BRCA1: variants seen among roughly 807,000 people sequenced by gnomAD.
BRCA1 encodes BRCA1 DNA repair associated.
Under a neutral mutation model 173.7 loss-of-function variants are expected in BRCA1, and 140 were observed. That is an observed-to-expected ratio of 0.81 (90% CI 0.70 to 0.93). The LOEUF is 0.93. BRCA1 is among the 40% of genes least tolerant of loss of function. The probability of loss-of-function intolerance (pLI) is 0.00; values close to 1 mark genes in which losing one functional copy is unlikely to be tolerated. For missense variants in BRCA1, 1,983 were observed against 2,172.5 expected (o/e 0.91, Z 1.73); for synonymous variants, 662 against 756.0 (o/e 0.88, Z 2.04).
intron 20 of BRCA1, 68 bp downstream of exon 20, chr17:43,050,995 G>A (rs1597804012): frequency 1.3e-6 from 2 of 1,486,676 alleles, no homozygotes; most frequent in East Asian, 4.5e-5. Context: ...GTGGGATCTT[G>A]CTTATAATAC....
rs747364414 is a variant in BRCA1 at position 43,082,496 on chromosome 17, C to T, written c.4265G>A (p.Gly1422Glu). 7.4e-6 allele frequency: 12 copies of T among 1,613,988 alleles called. No homozygotes were observed. Among genetic ancestry groups the T allele is most frequent in the South Asian group, 2.2e-5 (2 of 91,086 alleles). Reference sequence around the variant, plus strand: ...AGGGTAGCTGTTAGAAGGCTGGCTCCCATGCTGTTCTAACACAGCTTCTAG... The same window carrying T: ...AGGGTAGCTGTTAGAAGGCTGGCTCTCATGCTGTTCTAACACAGCTTCTAG... ...AELEAVLEQH[G>E]SQPSNSYPSI... The change falls in exon 12 of 23, where the codon GGG (glycine) becomes GAG (glutamate). Residue 1422 changes from glycine (G) to glutamate (E), a missense_variant. Physicochemically the swap from Gly to Glu is moderately conservative, Grantham distance 98. Transcript: ENST00000357654.
intron 20 of BRCA1, chr17:43,050,195 G>A: frequency 2.5e-6 from 1 of 398,392 alleles, no homozygotes; most frequent in Non-Finnish European, 4.4e-6. Context: ...CTTTTGCTGT[G>A]AAAAGAACAA....
intron 20 of BRCA1, among the ~76,000 whole-genome samples, 190 bp downstream of exon 20, chr17:43,050,873 A>G (rs2051181068): frequency 6.6e-6 from 1 of 152,166 alleles, no homozygotes; most frequent in Non-Finnish European, 1.5e-5. Context: ...AAGGGGGACA[A>G]GGTATAGTTT....
At chr17:43,138,627 A>G in intron 1 of BRCA1, 1 of 766,866 alleles carries the variant, frequency 1.3e-6, no homozygotes, top group Non-Finnish European at 2.4e-6. Flanking sequence ...GTGGCTGCTC[A>G]TGACATTCAT....
chr17:43,101,152 T>C (rs183336497), intron 6 of BRCA1, among the ~76,000 whole-genome samples: 1 of 151,984 alleles, frequency 6.6e-6, no homozygotes, highest in Admixed American at 6.6e-5. Context: ...TTTTTAGCTC[T>C]ATATCTTTTG....
chr17:43,140,172 A>G (rs904119175), intron 1 of BRCA1: 10 of 313,304 alleles, frequency 3.2e-5, no homozygotes, highest in Non-Finnish European at 5.7e-5. Context: ...CAGGACATGG[A>G]GAGCTGCTGG....
At chr17:43,148,413 A>G (rs1390762486) in intron 1 of BRCA1, 1 of 152,326 alleles carries the variant, frequency 6.6e-6, no homozygotes, top group Non-Finnish European at 1.5e-5. Context: ...GCAAAAGGAG[A>G]TGGGGTGGGG....
chr17:43,147,554 C>T (rs530181136), intron 1 of BRCA1, among the ~76,000 whole-genome samples: 14 of 152,150 alleles, frequency 9.2e-5, no homozygotes, highest in South Asian at 8.3e-4. Flanking sequence ...GTGATCCACC[C>T]GCCTCGGCCT....
intron 14 of BRCA1, 25 bp from the exon 15 acceptor site, chr17:43,071,263 T>C (rs759352570): frequency 3.7e-6 from 6 of 1,605,740 alleles, no homozygotes; most frequent in Non-Finnish European, 5.1e-6. Context: ...AGAAGTTTAA[T>C]TTACACAACG....
chr17:43,067,229 C>G (rs1467088566), intron 16 of BRCA1: 5 of 245,240 alleles, frequency 2.0e-5, no homozygotes, highest in Non-Finnish European at 3.2e-5. Flanking sequence ...CCATGCTATG[C>G]TCAACAAATA....
chr17:43,131,906 C>A (rs1362846399), intron 1 of BRCA1, among the ~76,000 whole-genome samples: 1 of 152,076 alleles, frequency 6.6e-6, no homozygotes. Flanking sequence ...GCCTCAGCCT[C>A]CCAAGTAGCT....
At chr17:43,117,574 A>G (rs1285164697) in intron 2 of BRCA1, among the ~76,000 whole-genome samples, 2 of 152,128 alleles carry the variant, frequency 1.3e-5, no homozygotes. Context: ...CGCTGTCTCT[A>G]CTAAAAATAC....
intron 12 of BRCA1, among the ~76,000 whole-genome samples, chr17:43,080,979 G>T (rs373592036): frequency 2.0e-5 from 3 of 152,036 alleles, no homozygotes; most frequent in Non-Finnish European, 2.9e-5. Flanking sequence ...GGAGAAAAAG[G>T]CTCAAAACTT....
intron 19 of BRCA1, among the ~76,000 whole-genome samples, chr17:43,056,604 A>G (rs1001788025): frequency 2.0e-5 from 3 of 152,032 alleles, no homozygotes; most frequent in Non-Finnish European, 4.4e-5. Flanking sequence ...CCTGGGCAAG[A>G]TGAGTTTTCA....
chr17:43,047,147 TG>T (rs1052948003), intron 22 of BRCA1, among the ~76,000 whole-genome samples: 4 of 152,204 alleles, frequency 2.6e-5, no homozygotes, highest in African/African-American at 9.6e-5. Context: ...TCGCCCAGGC[TG>T]GAGTACAGTG....
At chr17:43,072,587 G>C (rs1034920332) in intron 14 of BRCA1, among the ~76,000 whole-genome samples, 36 of 148,034 alleles carry the variant, frequency 2.4e-4, no homozygotes, top group Admixed American at 8.8e-4. Flanking sequence ...TTTTTGAGAT[G>C]GAGTTTCATT....
Position 43,062,053 on chromosome 17 carries a change from A to G in BRCA1, c.5193+1280T>C, listed in dbSNP as rs142221700. Among the ~76,000 whole-genome samples the G allele has an allele frequency of 6.6e-4, 100 of 152,252 alleles. No homozygotes were observed. In the Middle Eastern group the frequency reaches 0.014, roughly 21 times the overall value. Reference sequence around the variant, plus strand: ...GAAGCAATCTGAATTATAAACAGATACATTTGCATGTATATATATGTATAT... The same window carrying G: ...GAAGCAATCTGAATTATAAACAGATGCATTTGCATGTATATATATGTATAT... On this transcript the variant is annotated intron_variant, in intron 18 of 22. Coordinates refer to ENST00000357654, the MANE Select transcript of BRCA1 (RefSeq NM_007294.4).
chr17:43,085,765 C>A (rs895373086), intron 11 of BRCA1, among the ~76,000 whole-genome samples: 1 of 152,116 alleles, frequency 6.6e-6, no homozygotes, highest in African/African-American at 2.4e-5. Flanking sequence ...CTGAAATGTG[C>A]AGCAGAGCAG....
chr17:43,057,054 T>A lies in BRCA1; in HGVS notation c.5275A>T (p.Lys1759Ter), dbSNP rs2051496536. 6.2e-7 allele frequency: 1 copy of A among 1,613,932 alleles called. No individual in the cohort carries two copies. ...PKRARESQDR[K>*]IFRGLEICCY... ...CAACTTGAGGGAGGGAGCTTTACCT[T>A]TCTGTCCTGGGATTCTCTTGCTCGC... Residue 1759 changes from lysine (K) to a stop codon, truncating the protein, a stop_gained and splice_region_variant, in exon 19 of 23, where the codon AAG becomes TAG. Transcript: ENST00000357654. LOFTEE classifies it high-confidence loss of function.
Sources: allele counts gnomAD v4.1 joint callset (sites outside exome capture counted in the v4.1 genomes callset), GRCh38; gene constraint gnomAD v4.1.1; transcripts MANE v1.5; gene names NCBI Gene and HGNC (gene_info 2026-07-23, HGNC 2026-07-21).